The following LAMA2 variants were observed in gnomAD, a reference collection of about 807,000 sequenced individuals.
LAMA2 encodes the protein laminin subunit alpha-2.
LAMA2 carries 269 observed loss-of-function variants against 364.8 expected under a neutral mutation model. The observed-to-expected ratio is 0.74, with a 90% CI of 0.67 to 0.82. LAMA2 has a LOEUF of 0.82. Ranked by LOEUF, LAMA2 falls within the 40% of genes least tolerant of loss-of-function variation. LAMA2 has a pLI of 0.00. For synonymous variants in LAMA2, 1,379 were observed against 1,370.6 expected, an observed-to-expected ratio of 1.01 and a Z score of -0.14; for missense variants, 3,807 against 3,873.2, an observed-to-expected ratio of 0.98 and a Z score of 0.45.
intron 3 of LAMA2, among the ~76,000 whole-genome samples, chr6:129,095,683 A>G (rs1348992352): frequency 6.6e-6 from 1 of 151,064 alleles, no homozygotes; most frequent in African/African-American, 2.4e-5. Context: ...GGCTGAGGCA[A>G]GTGGATCACC....
intron 1 of LAMA2, among the ~76,000 whole-genome samples, chr6:128,904,550 G>T (rs2114427582): frequency 6.6e-6 from 1 of 150,870 alleles, no homozygotes; most frequent in Admixed American, 6.6e-5. Context: ...CGCCTCCCGG[G>T]TTCAAGTGAT....
chr6:128,900,199 G>T (rs1374410400), intron 1 of LAMA2, among the ~76,000 whole-genome samples: 1 of 152,160 alleles, frequency 6.6e-6, no homozygotes. Context: ...ACATCTGGAG[G>T]TCAAGAAACG....
At chr6:129,046,474 T>A (rs1787507975) in intron 1 of LAMA2, among the ~76,000 whole-genome samples, 1 of 152,218 alleles carries the variant, frequency 6.6e-6, no homozygotes, top group Non-Finnish European at 1.5e-5. Context: ...CCAGATATTA[T>A]GAGACTTATT....
chr6:129,496,876 G>A (rs1785232271), intron 58 of LAMA2, among the ~76,000 whole-genome samples: 1 of 152,092 alleles, frequency 6.6e-6, no homozygotes, highest in East Asian at 1.9e-4. Context: ...GGACAAATAA[G>A]GATAATAATA....
Position 129,445,748 on chromosome 6 carries a change from T to C in LAMA2, c.6356T>C (p.Leu2119Pro), listed in dbSNP as rs1445947970. 1 of 1,613,824 alleles carries C rather than the reference T, an allele frequency of 6.2e-7. No homozygotes were observed. The highest frequency in any genetic ancestry group is 2.2e-5 in the East Asian group (1 of 44,824). The change falls in exon 45 of 65, where the codon CTT becomes CCT. Residue 2119 changes from leucine (L) to proline (P), a missense_variant. Physicochemically the swap from Leu to Pro is moderately conservative, Grantham distance 98. Coordinates refer to ENST00000421865, the MANE Select transcript of LAMA2 (RefSeq NM_000426.4). ...LIDKLKPIKE[L>P]EDNLKKNISE... Reference sequence around the variant, plus strand: ...GATAAACTCAAACCCATCAAGGAACTTGAGGATAACCTAAAGAAAAACATC... The same window carrying C: ...GATAAACTCAAACCCATCAAGGAACCTGAGGATAACCTAAAGAAAAACATC...
chr6:129,210,985 C>T (rs1783065850), intron 12 of LAMA2, among the ~76,000 whole-genome samples: 1 of 152,178 alleles, frequency 6.6e-6, no homozygotes, highest in African/African-American at 2.4e-5. Flanking sequence ...GCTCTACCTA[C>T]ATTATGTCCC....
At chr6:129,340,351 G>A (rs1451251044) in intron 29 of LAMA2, among the ~76,000 whole-genome samples, 1 of 152,050 alleles carries the variant, frequency 6.6e-6, no homozygotes, top group Non-Finnish European at 1.5e-5. Context: ...ATGAGAATGA[G>A]CCTGCAAAGG....
chr6:128,905,308 A>C (rs1052570730), intron 1 of LAMA2: 1 of 149,724 alleles, frequency 6.7e-6, no homozygotes, highest in African/African-American at 2.5e-5. Flanking sequence ...GTGTAATAAA[A>C]TTTCTTTGGA....
chr6:129,330,662 C>T (rs745653941), intron 29 of LAMA2, among the ~76,000 whole-genome samples: 1 of 146,782 alleles, frequency 6.8e-6, no homozygotes, highest in Non-Finnish European at 1.5e-5. Context: ...AATACTTCCA[C>T]TTCAATGTGT....
At chr6:128,889,213 C>T (rs959060774) in intron 1 of LAMA2, among the ~76,000 whole-genome samples, 7 of 152,302 alleles carry the variant, frequency 4.6e-5, no homozygotes, top group African/African-American at 1.4e-4. Flanking sequence ...GAATTATTCA[C>T]AATCCCACAT....
intron 1 of LAMA2, among the ~76,000 whole-genome samples, chr6:128,998,004 C>T (rs58719322): frequency 1.3e-5 from 2 of 151,662 alleles, no homozygotes; most frequent in Admixed American, 6.6e-5. Context: ...GAGAAAGGAC[C>T]CTGAGTTATT....
intron 3 of LAMA2, among the ~76,000 whole-genome samples, chr6:129,069,839 A>C (rs201895002): frequency 9.1e-6 from 1 of 109,946 alleles, no homozygotes; most frequent in East Asian, 4.8e-4. Context: ...ATATATAATT[A>C]TATACAATTA....
intron 8 of LAMA2, among the ~76,000 whole-genome samples, chr6:129,162,223 C>G (rs751658213): frequency 6.6e-6 from 1 of 152,102 alleles, no homozygotes; most frequent in Non-Finnish European, 1.5e-5. Flanking sequence ...ATTTTAAGCT[C>G]ATGATATAGT....
intron 28 of LAMA2, 72 bp from the exon 29 acceptor site, chr6:129,328,206 A>G: frequency 7.5e-7 from 1 of 1,339,290 alleles, no homozygotes; most frequent in African/African-American, 1.4e-5. Context: ...CTTTGCAGCC[A>G]CTGAAGAGCT....
At chr6:129,249,987 A>G (rs778453177) in intron 12 of LAMA2, 125 bp from the exon 13 acceptor site, 1 of 717,224 alleles carries the variant, frequency 1.4e-6, no homozygotes, top group Non-Finnish European at 2.5e-6. Flanking sequence ...TCCGTACTCC[A>G]GTGATTTCTG....
At chr6:129,069,386 T>C (rs1003314230) in intron 3 of LAMA2, among the ~76,000 whole-genome samples, 10 of 148,338 alleles carry the variant, frequency 6.7e-5, no homozygotes, top group African/African-American at 2.2e-4. Flanking sequence ...TCATATTTGT[T>C]ATATATATTA....
chr6:128,972,603 C>T (rs1300797176), intron 1 of LAMA2, among the ~76,000 whole-genome samples: 3 of 152,014 alleles, frequency 2.0e-5, no homozygotes, highest in South Asian at 2.1e-4. Context: ...ATTGATGGGA[C>T]TAGAGTCAGG....
At chr6:129,460,445 A>C in intron 49 of LAMA2, 121 bp downstream of exon 49, 1 of 1,041,906 alleles carries the variant, frequency 9.6e-7, no homozygotes. Flanking sequence ...GATTATACTC[A>C]GAGGTGGAAT....
intron 15 of LAMA2, among the ~76,000 whole-genome samples, chr6:129,261,734 C>A (rs1339107514): frequency 6.6e-6 from 1 of 152,100 alleles, no homozygotes; most frequent in South Asian, 2.1e-4. Flanking sequence ...ATAATGCATA[C>A]ATCTAGAGAT....
Sources: allele counts gnomAD v4.1 joint callset (sites outside exome capture counted in the v4.1 genomes callset), GRCh38; gene constraint gnomAD v4.1.1; transcripts MANE v1.5; gene names NCBI Gene and HGNC (gene_info 2026-07-23, HGNC 2026-07-21).